FRY: variants seen among roughly 807,000 people sequenced by gnomAD.
FRY encodes protein furry homolog.
FRY carries 128 observed loss-of-function variants against 348.4 expected under a neutral mutation model. The observed-to-expected ratio is 0.37, with a 90% confidence interval of 0.32 to 0.43. The LOEUF (loss-of-function observed/expected upper bound fraction) is 0.43. FRY is among the 20% of genes least tolerant of loss of function. FRY has a pLI of 1.00. For missense variants in FRY, 2,736 were observed against 3,695.2 expected (o/e 0.74, Z 6.73); for synonymous variants, 1,370 against 1,374.7 (o/e 1.00, Z 0.08).
At chr13:32,089,070 G>A (rs1338866531) in intron 2 of FRY, among the ~76,000 whole-genome samples, 1 of 152,178 alleles carries the variant, frequency 6.6e-6, no homozygotes, top group Non-Finnish European at 1.5e-5. Flanking sequence ...TCACTGTGAT[G>A]TAATATTGCT....
At chr13:32,121,437 GT>G (rs1566082540) in intron 4 of FRY, among the ~76,000 whole-genome samples, 3 of 152,012 alleles carry the variant, frequency 2.0e-5, no homozygotes, top group East Asian at 1.9e-4. Context: ...ACATCTACGG[GT>G]TTTTTTGTTT....
chr13:32,152,664 T>C (rs76622044), intron 14 of FRY, among the ~76,000 whole-genome samples: 3,364 of 152,268 alleles, frequency 0.022, 56 homozygotes, highest in Non-Finnish European at 0.033. Context: ...TAAAATCTGA[T>C]ACTATAAATC....
chr13:32,266,892 G>A (rs541962415), intron 54 of FRY, among the ~76,000 whole-genome samples: 9 of 152,186 alleles, frequency 5.9e-5, no homozygotes, highest in Non-Finnish European at 1.2e-4. Context: ...ACTGAGGCAC[G>A]AGAATTGCTT....
At chr13:32,192,394 C>A (rs193202259) in intron 28 of FRY, among the ~76,000 whole-genome samples, 3,405 of 150,520 alleles carry the variant, frequency 0.023, 55 homozygotes, top group Non-Finnish European at 0.034. Context: ...CTCACTGCAA[C>A]CTCCACCTCC....
intron 1 of FRY, among the ~76,000 whole-genome samples, chr13:32,058,885 A>G (rs1873780346): frequency 6.6e-6 from 1 of 152,250 alleles, no homozygotes; most frequent in East Asian, 1.9e-4. Flanking sequence ...TAAGGAAAAC[A>G]CTAGAATAAA....
At chr13:32,142,530 T>C (rs1880138810) in intron 11 of FRY, among the ~76,000 whole-genome samples, 1 of 152,234 alleles carries the variant, frequency 6.6e-6, no homozygotes, top group African/African-American at 2.4e-5. Flanking sequence ...GTCGTTTACT[T>C]TGAGCAATTT....
At chr13:32,263,545 A>G (rs1280003324) in intron 53 of FRY, among the ~76,000 whole-genome samples, 1 of 152,204 alleles carries the variant, frequency 6.6e-6, no homozygotes, top group Admixed American at 6.5e-5. Context: ...ACAAAAAACA[A>G]AAAGCCCAGA....
chr13:32,136,748 G>T, intron 10 of FRY, 123 bp from the exon 11 acceptor site: 1 of 754,552 alleles, frequency 1.3e-6, no homozygotes, highest in Non-Finnish European at 2.5e-6. Context: ...GTGCTACACA[G>T]TGTCCTGTTT....
chr13:32,058,313 T>C (rs972326037), intron 1 of FRY, among the ~76,000 whole-genome samples: 20 of 152,232 alleles, frequency 1.3e-4, no homozygotes, highest in African/African-American at 4.8e-4. Flanking sequence ...CTAAAAAGTA[T>C]TTTACTGTCT....
chr13:32,094,365 C>T (rs2138599712), intron 2 of FRY, among the ~76,000 whole-genome samples: 1 of 152,280 alleles, frequency 6.6e-6, no homozygotes, highest in East Asian at 1.9e-4. Flanking sequence ...ACAGACAGTT[C>T]AGTTACGCTC....
chr13:32,187,768 CA>C, intron 28 of FRY, 112 bp downstream of exon 28: 1 of 707,092 alleles, frequency 1.4e-6, no homozygotes, highest in South Asian at 1.5e-5. Flanking sequence ...ATCAGCCACA[CA>C]AGTATAGATT....
At chr13:32,179,823 T>C (rs1593703616) in intron 23 of FRY, 24 bp downstream of exon 23, 1 of 1,607,044 alleles carries the variant, frequency 6.2e-7, no homozygotes. Flanking sequence ...AATGAGTTGT[T>C]CTAAATTCAT....
chr13:32,047,067 A>C (rs1387066568), intron 1 of FRY, among the ~76,000 whole-genome samples: 2 of 152,226 alleles, frequency 1.3e-5, no homozygotes, highest in African/African-American at 2.4e-5. Context: ...AGAGAGAGAG[A>C]GAGCTACATA....
Position 32,071,433 on chromosome 13 carries a change from C to A in FRY, c.71-7401C>A, listed in dbSNP as rs140317956. On this transcript the variant is annotated intron_variant, in intron 1 of 60. Transcript: ENST00000542859. ...CTCCTTGAAGAGGTCCTTCACATCC[C>A]TTGTAAGTTGGATTCCTAGGTATTT... Among the ~76,000 whole-genome samples the A allele has an allele frequency of 2.8e-3, 424 of 152,220 alleles. 4 individuals are homozygous for A. The highest frequency in any genetic ancestry group is 9.8e-3 in the African/African-American group (407 of 41,534).
At chr13:32,102,416 A>C in intron 3 of FRY, among the ~76,000 whole-genome samples, 1 of 152,166 alleles carries the variant, frequency 6.6e-6, no homozygotes, top group East Asian at 1.9e-4. Flanking sequence ...TTCATGCAAC[A>C]TTTTTTTGAA....
Position 32,171,215 on chromosome 13 carries a change from T to A in FRY, c.2096T>A (p.Val699Asp). 1 of 1,613,094 alleles carries A rather than the reference T, an allele frequency of 6.2e-7. No individual in the cohort carries two copies. The highest frequency in any genetic ancestry group is 8.5e-7 in the Non-Finnish European group (1 of 1,179,502). Residue 699 changes from valine (V) to aspartate (D), a missense_variant, in exon 18 of 61, where the codon GTC becomes GAC. Val to Asp is a radical substitution (Grantham distance 152, BLOSUM62 -3). This residue lies in a region of FRY where 449 missense variants were observed against 576.9 expected (regional missense o/e 0.78). Transcript: ENST00000542859. ...CAGCTGCTCACCCAGTGGAAACTAGTCATCCAGACACAAGGAAAAGTCTAT... is the reference window on the plus strand; with the variant it reads ...CAGCTGCTCACCCAGTGGAAACTAGACATCCAGACACAAGGAAAAGTCTAT... The part of the protein sequence containing the change: ...LLQLLTQWKL[V>D]IQTQGKVYEQ...
chr13:32,202,755 G>A (rs1425067937), intron 31 of FRY, among the ~76,000 whole-genome samples: 2 of 152,102 alleles, frequency 1.3e-5, no homozygotes, highest in Non-Finnish European at 2.9e-5. Context: ...TTTGAGACCA[G>A]CCTGGCCAAC....
chr13:32,083,844 G>C (rs1017184488), intron 2 of FRY, among the ~76,000 whole-genome samples: 2 of 151,888 alleles, frequency 1.3e-5, no homozygotes, highest in African/African-American at 2.4e-5. Flanking sequence ...TTTATGTAAG[G>C]CATCTTATTT....
At chr13:32,220,861 T>C (rs1022259161) in intron 36 of FRY, among the ~76,000 whole-genome samples, 1 of 152,242 alleles carries the variant, frequency 6.6e-6, no homozygotes, top group African/African-American at 2.4e-5. Flanking sequence ...AACTGACTTA[T>C]CCTGGATGAT....
Sources: allele counts gnomAD v4.1 joint callset (sites outside exome capture counted in the v4.1 genomes callset), GRCh38; gene constraint gnomAD v4.1.1; regional missense constraint gnomAD v4.1.1; transcripts MANE v1.5; gene names NCBI Gene and HGNC (gene_info 2026-07-23, HGNC 2026-07-21).